RANBP17: variants seen among roughly 807,000 people sequenced by gnomAD.
RANBP17 encodes the protein RAN binding protein 17.
RANBP17 carries 158 observed loss-of-function variants against 141.2 expected under a neutral mutation model. The observed-to-expected ratio is 1.12, with a 90% CI of 0.98 to 1.28. The LOEUF (loss-of-function observed/expected upper bound fraction) is 1.28, where lower values mean the gene tolerates loss of function less well. Ranked by LOEUF, RANBP17 falls within the 50% of genes most tolerant of loss-of-function variation. The pLI is 0.00. For synonymous variants in RANBP17, 430 were observed against 450.0 expected, an observed-to-expected ratio of 0.96 and a Z score of 0.56; for missense variants, 1,438 against 1,290.7, an observed-to-expected ratio of 1.11 and a Z score of -1.75.
intron 14 of RANBP17, among the ~76,000 whole-genome samples, chr5:171,028,359 G>A (rs965143738): frequency 1.3e-5 from 2 of 152,100 alleles, no homozygotes; most frequent in East Asian, 3.8e-4. Flanking sequence ...TTTTATACCA[G>A]TGGAAAACCT....
intron 13 of RANBP17, 76 bp from the exon 14 acceptor site, chr5:170,968,165 AT>A (rs1776724051): frequency 9.6e-7 from 1 of 1,041,330 alleles, no homozygotes; most frequent in Admixed American, 2.7e-5. Context: ...GTTATATTAC[AT>A]TTATGGTAAA....
rs563194516 is a variant in RANBP17 at position 171,038,375 on chromosome 5, A to G, written c.1710+69998A>G. Reference sequence around the variant, plus strand: ...ACAGACTTAAGGGTTTTTTTCAGGTATACAATCATATTGTTGGCCAAGAGA... The same window carrying G: ...ACAGACTTAAGGGTTTTTTTCAGGTGTACAATCATATTGTTGGCCAAGAGA... On this transcript the variant is annotated intron_variant, in intron 14 of 27. Coordinates refer to ENST00000523189, the MANE Select transcript of RANBP17 (RefSeq NM_022897.5). 1.2e-3 allele frequency among the ~76,000 whole-genome samples: 183 copies of G among 152,192 alleles called. 2 individuals carry two copies. The highest frequency in any genetic ancestry group is 2.3e-3 in the Non-Finnish European group (154 of 68,006).
intron 14 of RANBP17, among the ~76,000 whole-genome samples, chr5:171,058,375 T>C (rs1157003718): frequency 7.1e-6 from 1 of 141,124 alleles, no homozygotes; most frequent in Non-Finnish European, 1.5e-5. Flanking sequence ...TGTGTTCTCA[T>C]TGTTCAATTC....
chr5:171,056,441 G>A (rs1783379548), intron 14 of RANBP17, among the ~76,000 whole-genome samples: 1 of 152,108 alleles, frequency 6.6e-6, no homozygotes, highest in Admixed American at 6.6e-5. Flanking sequence ...TATCTTGGTG[G>A]CATATAATGA....
chr5:171,116,716 T>TAC (rs1755656964), intron 14 of RANBP17, among the ~76,000 whole-genome samples: 1 of 152,222 alleles, frequency 6.6e-6, no homozygotes, highest in African/African-American at 2.4e-5. Context: ...ATATTATTGT[T>TAC]AACTATAGCC....
chr5:171,180,554 C>A (rs937364863), intron 16 of RANBP17, among the ~76,000 whole-genome samples: 1 of 151,974 alleles, frequency 6.6e-6, no homozygotes, highest in South Asian at 2.1e-4. Context: ...TCAGAAGAAC[C>A]CTAGTCTCTT....
intron 14 of RANBP17, among the ~76,000 whole-genome samples, chr5:171,075,063 G>A (rs890998703): frequency 5.3e-5 from 8 of 152,126 alleles, no homozygotes; most frequent in African/African-American, 9.7e-5. Context: ...AGACCTTGGC[G>A]ATGACCTTGA....
chr5:171,050,432 A>G (rs1782881478), intron 14 of RANBP17, among the ~76,000 whole-genome samples: 1 of 152,184 alleles, frequency 6.6e-6, no homozygotes, highest in African/African-American at 2.4e-5. Context: ...TTTGCTTTTA[A>G]CTGTAATACA....
At chr5:171,260,179 A>G (rs1022832402) in intron 24 of RANBP17, among the ~76,000 whole-genome samples, 2 of 151,070 alleles carry the variant, frequency 1.3e-5, no homozygotes, top group African/African-American at 4.9e-5. Context: ...AGGCACCTGT[A>G]ATCCCAGCTA....
chr5:170,876,074 A>T (rs889391181), intron 1 of RANBP17, among the ~76,000 whole-genome samples: 2 of 152,000 alleles, frequency 1.3e-5, no homozygotes, highest in Non-Finnish European at 2.9e-5. Flanking sequence ...GCACCTGGAG[A>T]TGTCACCTGA....
chr5:170,968,439 A>ATC, intron 14 of RANBP17, 62 bp downstream of exon 14: 1 of 1,426,004 alleles, frequency 7.0e-7, no homozygotes, highest in Middle Eastern at 1.8e-4. Flanking sequence ...GTACATATAT[A>ATC]ACTGAATGAT....
rs542700776 is a variant in RANBP17, at chr5:171,200,066, A to G, written c.2142+293A>G. ...TATTTCTTGTGGGTACACCACTTTA[A>G]ACACCCCTATTCCCTCATCTATCCT... On this transcript the variant is annotated intron_variant, in intron 19 of 27. Transcript: ENST00000523189. 2.6e-5 allele frequency among the ~76,000 whole-genome samples: 4 copies of G among 152,280 alleles called. No homozygotes were observed. The East Asian group carries it at 7.7e-4, about 29-fold the overall frequency.
At chr5:170,926,295 C>A (rs1270685056) in intron 12 of RANBP17, among the ~76,000 whole-genome samples, 2 of 152,038 alleles carry the variant, frequency 1.3e-5, no homozygotes. Flanking sequence ...GTTTGCTGAC[C>A]TGGACCTAGA....
chr5:171,126,367 G>T (rs1756471434), intron 14 of RANBP17, among the ~76,000 whole-genome samples: 1 of 152,050 alleles, frequency 6.6e-6, no homozygotes, highest in Admixed American at 6.6e-5. Flanking sequence ...CATCAAAAAA[G>T]TAGAAAGATT....
chr5:171,061,875 A>G (rs1025302322), intron 14 of RANBP17, among the ~76,000 whole-genome samples: 25 of 152,170 alleles, frequency 1.6e-4, no homozygotes, highest in African/African-American at 6.0e-4. Flanking sequence ...TATTTAGGAT[A>G]GCTCTTCTTT....
chr5:170,914,665 A>T (rs57371867), intron 8 of RANBP17, among the ~76,000 whole-genome samples: 2,590 of 152,258 alleles, frequency 0.017, 69 homozygotes, highest in African/African-American at 0.059. Context: ...AGATCTCTGA[A>T]TAAGAAATGA....
chr5:170,988,028 C>T (rs1035674106), intron 14 of RANBP17, among the ~76,000 whole-genome samples: 7 of 151,280 alleles, frequency 4.6e-5, no homozygotes, highest in African/African-American at 1.7e-4. Context: ...TTACTCTCTC[C>T]CTTGTGCTAT....
chr5:171,093,296 T>G (rs1446302808), intron 14 of RANBP17, among the ~76,000 whole-genome samples: 1 of 152,232 alleles, frequency 6.6e-6, no homozygotes, highest in East Asian at 1.9e-4. Flanking sequence ...TGTAAGCTAC[T>G]TGAGGTTAAA....
intron 14 of RANBP17, among the ~76,000 whole-genome samples, chr5:171,108,197 AGCAACAGCTGTT>A: frequency 6.6e-6 from 1 of 152,172 alleles, no homozygotes; most frequent in South Asian, 2.1e-4. Context: ...CAGTTCTATA[AGCAACAGCTGTT>A]GTTCAGGTTT....
Sources: gnomAD v4.1 joint callset for allele counts (sites outside exome capture counted in the v4.1 genomes callset) on GRCh38, gnomAD v4.1.1 for gene constraint, MANE v1.5 for transcripts, NCBI Gene and HGNC (gene_info 2026-07-23, HGNC 2026-07-21) for gene names.